The following ADAM2 variants were observed in gnomAD, a reference collection of about 807,000 sequenced individuals.
The protein encoded by ADAM2 is disintegrin and metalloproteinase domain-containing protein 2.
ADAM2 carries 101 observed loss-of-function variants against 99.3 expected under a neutral mutation model. The ratio of observed to expected loss-of-function variants is 1.02; its 90% CI spans 0.87 to 1.20. ADAM2 has a LOEUF of 1.20. ADAM2 is among the 50% of genes most tolerant of loss of function. The pLI is 0.00. For synonymous variants in ADAM2, 323 were observed against 287.6 expected (o/e 1.12, Z -1.25); for missense variants, 948 against 878.7 (o/e 1.08, Z -1.00).
intron 11 of ADAM2, among the ~76,000 whole-genome samples, 174 bp downstream of exon 11, chr8:39,776,851 A>G (rs1369598353): frequency 2.0e-5 from 3 of 152,166 alleles, no homozygotes; most frequent in Non-Finnish European, 2.9e-5. Flanking sequence ...ACATTTGATT[A>G]CAAGTGATAT....
intron 7 of ADAM2, among the ~76,000 whole-genome samples, chr8:39,808,221 C>CAA (rs1554528463): frequency 6.7e-6 from 1 of 149,980 alleles, no homozygotes; most frequent in Admixed American, 6.6e-5. Context: ...CACACACACA[C>CAA]AATTACAAGT....
chr8:39,780,191 C>A (rs1803160479), intron 10 of ADAM2, among the ~76,000 whole-genome samples: 1 of 152,044 alleles, frequency 6.6e-6, no homozygotes, highest in African/African-American at 2.4e-5. Context: ...ATGAAAGCAT[C>A]AGGTCTCATA....
intron 2 of ADAM2, 44 bp from the exon 3 acceptor site, chr8:39,834,043 A>T (rs749420447): frequency 2.2e-5 from 23 of 1,062,036 alleles, no homozygotes; most frequent in Non-Finnish European, 3.1e-5. Flanking sequence ...ATGAAAAAAA[A>T]TGTTAGAAGG....
At chr8:39,758,607 G>A (rs559131650) in intron 15 of ADAM2, among the ~76,000 whole-genome samples, 12 of 151,706 alleles carry the variant, frequency 7.9e-5, no homozygotes, top group African/African-American at 2.7e-4. Context: ...CATGCACACA[G>A]CTGGTGCTTA....
At chr8:39,758,466 G>T (rs1382773443) in intron 15 of ADAM2, among the ~76,000 whole-genome samples, 1 of 151,854 alleles carries the variant, frequency 6.6e-6, no homozygotes, top group East Asian at 1.9e-4. Context: ...TGGAAAATTT[G>T]AAGGGTATAC....
chr8:39,771,498 T>A (rs1802777508), intron 11 of ADAM2, among the ~76,000 whole-genome samples: 1 of 152,164 alleles, frequency 6.6e-6, no homozygotes, highest in African/African-American at 2.4e-5. Context: ...GTATTAACAA[T>A]GTTTAAAAAG....
At chr8:39,795,847 A>T (rs1563363337) in intron 7 of ADAM2, among the ~76,000 whole-genome samples, 1 of 152,134 alleles carries the variant, frequency 6.6e-6, no homozygotes, top group African/African-American at 2.4e-5. Flanking sequence ...AAATATTTGG[A>T]TTTGTAAATA....
At chr8:39,788,598 T>C in intron 8 of ADAM2, 71 bp downstream of exon 8, 1 of 1,042,672 alleles carries the variant, frequency 9.6e-7, no homozygotes, top group Non-Finnish European at 1.4e-6. Flanking sequence ...ATTCATGTAG[T>C]GTCATAATGA....
rs1303936792 is a variant in ADAM2 at position 39,769,944 on chromosome 8, TTTTTTC to T, written c.1029-375_1029-370del. ...AGAAAACAGGCTTTTCTTTTTTTTC[TTTTTTC>T]TTTTTTTTTTTTTTGAGACGGAGTC... On this transcript the variant is annotated intron_variant, in intron 11 of 20. Coordinates refer to ENST00000265708, the MANE Select transcript of ADAM2 (RefSeq NM_001464.5). Among the ~76,000 whole-genome samples the T allele has an allele frequency of 1.2e-4, 11 of 89,600 alleles. No homozygotes were observed. The East Asian group carries it at 4.7e-3, about 38-fold the overall frequency. 58.8% of individuals were successfully genotyped at this position (89,600 alleles called of 152,430 possible).
At chr8:39,803,713 A>T (rs1804311955) in intron 7 of ADAM2, among the ~76,000 whole-genome samples, 1 of 152,194 alleles carries the variant, frequency 6.6e-6, no homozygotes, top group African/African-American at 2.4e-5. Flanking sequence ...TCAGAATCAA[A>T]ATGAAAATAA....
intron 11 of ADAM2, among the ~76,000 whole-genome samples, chr8:39,772,353 G>C (rs918204655): frequency 2.0e-5 from 3 of 151,902 alleles, no homozygotes; most frequent in Non-Finnish European, 4.4e-5. Context: ...ATTGACCTAA[G>C]ATGAGCCATA....
intron 7 of ADAM2, among the ~76,000 whole-genome samples, chr8:39,808,511 T>C (rs766133285): frequency 4.6e-5 from 7 of 152,176 alleles, no homozygotes; most frequent in Non-Finnish European, 7.3e-5. Context: ...AATTGATCTA[T>C]AGAATTAACA....
intron 7 of ADAM2, among the ~76,000 whole-genome samples, chr8:39,798,606 A>G (rs1480656830): frequency 1.3e-5 from 2 of 152,168 alleles, no homozygotes; most frequent in Admixed American, 1.3e-4. Context: ...ATAGTTTCAG[A>G]AGTAATGGTA....
intron 16 of ADAM2, among the ~76,000 whole-genome samples, chr8:39,751,456 G>T (rs1801943898): frequency 6.6e-6 from 1 of 152,022 alleles, no homozygotes; most frequent in Non-Finnish European, 1.5e-5. Flanking sequence ...GCAATGAAGT[G>T]TTTTTGTGGG....
chr8:39,780,267 C>T (rs767463010), intron 10 of ADAM2, among the ~76,000 whole-genome samples: 3 of 152,182 alleles, frequency 2.0e-5, no homozygotes, highest in South Asian at 2.1e-4. Context: ...TACCTCCCAC[C>T]GGGTCCCTCC....
chr8:39,790,841 C>A (rs1803681530), intron 7 of ADAM2, among the ~76,000 whole-genome samples: 1 of 151,820 alleles, frequency 6.6e-6, no homozygotes, highest in Non-Finnish European at 1.5e-5. Flanking sequence ...GGGAACAACT[C>A]CTGAAAAGAG....
chr8:39,834,195 T>G (rs1404426488), intron 2 of ADAM2, among the ~76,000 whole-genome samples, 196 bp from the exon 3 acceptor site: 1 of 152,130 alleles, frequency 6.6e-6, no homozygotes, highest in Non-Finnish European at 1.5e-5. Flanking sequence ...AAATAATGAA[T>G]AAAATAATAT....
chr8:39,750,553 A>G (rs1801886258), intron 16 of ADAM2, among the ~76,000 whole-genome samples: 1 of 152,180 alleles, frequency 6.6e-6, no homozygotes, highest in African/African-American at 2.4e-5. Context: ...AATAGCCTAT[A>G]GATACAAAGT....
rs1261753526 is a variant in ADAM2 at position 39,830,633 on chromosome 8, T to C, written c.188+3311A>G. Among the ~76,000 whole-genome samples, 3 of 152,206 alleles carry C rather than the reference T, an allele frequency of 2.0e-5. No individual in the cohort carries two copies. The East Asian group carries it at 5.8e-4, about 29-fold the overall frequency. On this transcript the variant is annotated intron_variant, in intron 3 of 20. Transcript: ENST00000265708. Reference sequence around the variant, plus strand: ...CTGGATCAGAATCATACCTTAAGAATAGGTGGTTTAATGTCCTCTGGTCAT... The same window carrying C: ...CTGGATCAGAATCATACCTTAAGAACAGGTGGTTTAATGTCCTCTGGTCAT...
Sources: allele counts gnomAD v4.1 joint callset (sites outside exome capture counted in the v4.1 genomes callset), GRCh38; gene constraint gnomAD v4.1.1; transcripts MANE v1.5; gene names NCBI Gene and HGNC (gene_info 2026-07-23, HGNC 2026-07-21).